RUSC2: variants seen among roughly 807,000 people sequenced by gnomAD.
RUSC2 encodes the protein RUN and SH3 domain containing 2.
RUSC2 carries 34 observed loss-of-function variants against 122.2 expected under a neutral mutation model. The ratio of observed to expected loss-of-function variants is 0.28; its 90% CI spans 0.21 to 0.37. RUSC2 has a LOEUF of 0.37. RUSC2 is among the 10% of genes least tolerant of loss of function. The pLI, the probability that RUSC2 is intolerant of heterozygous loss-of-function variation, is 1.00. For missense variants in RUSC2, 1,747 were observed against 1,952.4 expected (o/e 0.89, Z 1.98); for synonymous variants, 784 against 790.0 (o/e 0.99, Z 0.13).
chr9:35,540,231 T>C (rs529624531), intron 1 of RUSC2, among the ~76,000 whole-genome samples: 68 of 152,050 alleles, frequency 4.5e-4, no homozygotes, highest in African/African-American at 1.6e-3. Context: ...TAGCCAGGCA[T>C]TGTGGTGTGC....
At chr9:35,493,049 T>C (rs1219765747) in intron 1 of RUSC2, among the ~76,000 whole-genome samples, 6 of 152,116 alleles carry the variant, frequency 3.9e-5, no homozygotes, top group Admixed American at 6.5e-5. Context: ...ATAGATAAAC[T>C]CATTTCACAG....
chr9:35,528,536 T>A (rs1821363399), intron 1 of RUSC2, among the ~76,000 whole-genome samples: 1 of 151,542 alleles, frequency 6.6e-6, no homozygotes, highest in Non-Finnish European at 1.5e-5. Flanking sequence ...AGATGGAGTT[T>A]CGCTCTGTCA....
At chr9:35,495,317 CTT>C (rs1820688541) in intron 1 of RUSC2, among the ~76,000 whole-genome samples, 1 of 134,354 alleles carries the variant, frequency 7.4e-6, no homozygotes, top group Non-Finnish European at 1.6e-5. Flanking sequence ...ATCTTTAGGT[CTT>C]TGATCCATTT....
chr9:35,533,179 G>A (rs1821455748), intron 1 of RUSC2, among the ~76,000 whole-genome samples: 1 of 151,512 alleles, frequency 6.6e-6, no homozygotes, highest in South Asian at 2.1e-4. Context: ...CCCAGGAGGC[G>A]GAGGTTGCAG....
intron 1 of RUSC2, among the ~76,000 whole-genome samples, chr9:35,545,457 G>A (rs1325671650): frequency 6.6e-6 from 1 of 152,166 alleles, no homozygotes; most frequent in Non-Finnish European, 1.5e-5. Flanking sequence ...GCTCAGGATG[G>A]GTTCTGTGTC....
intron 1 of RUSC2, among the ~76,000 whole-genome samples, chr9:35,498,439 T>G (rs1156483906): frequency 6.6e-6 from 1 of 152,070 alleles, no homozygotes; most frequent in Non-Finnish European, 1.5e-5. Flanking sequence ...CTTGGGTAGC[T>G]GAGGCAGGAG....
chr9:35,528,554 T>C (rs1821363769), intron 1 of RUSC2, among the ~76,000 whole-genome samples: 1 of 151,576 alleles, frequency 6.6e-6, no homozygotes, highest in South Asian at 2.1e-4. Context: ...TCACCCAGGC[T>C]GGAGTGCAGT....
rs763258720 is a variant in RUSC2 at position 35,560,017 on chromosome 9, C to T, written c.3389-12C>T. 80 of 1,575,292 alleles carry T rather than the reference C, an allele frequency of 5.1e-5. No individual in the cohort carries two copies. The highest frequency in any genetic ancestry group is 6.8e-5 in the Non-Finnish European group (78 of 1,155,258). ...TCTCTGTGTGGATCAGTCCCTCTCT[C>T]TTTTCCCCTAGACATCATCCAGACC... is the stretch of plus-strand genomic sequence containing the variant. On this transcript the variant is annotated splice_polypyrimidine_tract_variant and intron_variant, in intron 9 of 11. Coordinates refer to ENST00000361226, the MANE Select transcript of RUSC2 (RefSeq NM_014806.5).
At chr9:35,503,551 G>A (rs888807564) in intron 1 of RUSC2, among the ~76,000 whole-genome samples, 10 of 152,106 alleles carry the variant, frequency 6.6e-5, no homozygotes, top group African/African-American at 1.2e-4. Context: ...ATTGCCAATC[G>A]TGCTGCTATA....
Position 35,548,232 on chromosome 9 carries a change from C to T in RUSC2, c.1711C>T (p.Gln571Ter). Residue 571 changes from glutamine (Q) to a stop codon, truncating the protein, a stop_gained, in exon 2 of 12, where the codon CAG (glutamine) becomes TAG (stop). Coordinates refer to ENST00000361226, the MANE Select transcript of RUSC2 (RefSeq NM_014806.5). LOFTEE classifies it high-confidence loss of function. This position sits in a 1 kb window ranked among gnomAD's most constrained non-coding sequence, Gnocchi z 4.5. ...PLRVSVGDSS[Q>*]EFSPIQEAQQ... Reference sequence around the variant, plus strand: ...TCGTGTGAGTGTTGGGGACTCCTCCCAGGAGTTCTCACCCATCCAAGAAGC... The same window carrying T: ...TCGTGTGAGTGTTGGGGACTCCTCCTAGGAGTTCTCACCCATCCAAGAAGC... 6.2e-7 allele frequency: 1 copy of T among 1,613,618 alleles called. No homozygotes were observed.
chr9:35,547,982 CA>C lies in RUSC2; in HGVS notation c.1463del (p.Asn488ThrfsTer31). 1 of 1,614,144 alleles carries C rather than the reference CA, an allele frequency of 6.2e-7. No individual in the cohort carries two copies. The highest frequency in any genetic ancestry group is 8.5e-7 in the Non-Finnish European group (1 of 1,180,034). ...GQVYTNTSPPNLSTGRQRSRS... is the reference protein window; with the variant it reads ...GQVYTNTSPPXLSTGRQRSRS... ...AAGTATACACGAATACTTCACCCCC[CA>C]ACCTCAGCACTGGACGTCAGCGCTC... On this transcript the variant is annotated frameshift_variant, in exon 2 of 12. Transcript: ENST00000361226. LOFTEE classifies it high-confidence loss of function. This position sits in a 1 kb window ranked among gnomAD's most constrained non-coding sequence, Gnocchi z 4.6.
At chr9:35,492,746 T>C (rs1820592080) in intron 1 of RUSC2, among the ~76,000 whole-genome samples, 1 of 152,156 alleles carries the variant, frequency 6.6e-6, no homozygotes, top group Admixed American at 6.5e-5. Context: ...ATTCACATTA[T>C]TGTACAACCA....
intron 1 of RUSC2, chr9:35,538,708 T>G (rs1302037453): frequency 1.3e-5 from 2 of 152,392 alleles, no homozygotes; most frequent in East Asian, 3.9e-4. Flanking sequence ...GTCTTAAGAG[T>G]GCTCCATCTT....
intron 1 of RUSC2, among the ~76,000 whole-genome samples, chr9:35,526,608 G>T (rs2115983): frequency 0.67 from 101,753 of 151,984 alleles, 34,445 homozygotes; most frequent in Admixed American, 0.73. Flanking sequence ...ACTATTAAAT[G>T]TATTGCATTC....
In RUSC2 at chr9:35,548,380, A is replaced by G. The variant is rs1189794146; in HGVS notation, c.1859A>G (p.Gln620Arg). The G allele has an allele frequency of 6.2e-6, 10 of 1,613,948 alleles. No homozygotes were observed. Among genetic ancestry groups the G allele is most frequent in the Non-Finnish European group, 6.8e-6 (8 of 1,180,028 alleles). ...GPDPSPPWST[Q>R]VCQGPHSSEM... ...GACCCAAGTCCACCCTGGTCCACCC[A>G]GGTCTGTCAGGGACCCCACTCCAGT... Residue 620 changes from glutamine (Q) to arginine (R), a missense_variant, in exon 2 of 12, where the codon CAG becomes CGG. Coordinates refer to ENST00000361226, the MANE Select transcript of RUSC2 (RefSeq NM_014806.5). This position sits in a 1 kb window ranked among gnomAD's most constrained non-coding sequence, Gnocchi z 4.5.
chr9:35,541,455 T>A (rs1174740363), intron 1 of RUSC2, among the ~76,000 whole-genome samples: 1 of 151,840 alleles, frequency 6.6e-6, no homozygotes, highest in Non-Finnish European at 1.5e-5. Flanking sequence ...TACTCTCATT[T>A]TTTTTTTTTA....
At chr9:35,543,154 G>A (rs1821674782) in intron 1 of RUSC2, among the ~76,000 whole-genome samples, 1 of 152,194 alleles carries the variant, frequency 6.6e-6, no homozygotes, top group Non-Finnish European at 1.5e-5. Flanking sequence ...GGCCCGGCAT[G>A]GTGGCTCACA....
At chr9:35,524,936 A>C (rs1022931975) in intron 1 of RUSC2, among the ~76,000 whole-genome samples, 1 of 150,842 alleles carries the variant, frequency 6.6e-6, no homozygotes, top group Non-Finnish European at 1.5e-5. Flanking sequence ...GCACCACTGC[A>C]CTCCAGCCTG....
At chr9:35,527,298 C>CTGCTTGCT (rs371414353) in intron 1 of RUSC2, among the ~76,000 whole-genome samples, 61 of 151,964 alleles carry the variant, frequency 4.0e-4, no homozygotes, top group Middle Eastern at 3.4e-3. Context: ...CCACCACATT[C>CTGCTTGCT]TGCTTGCTTG....
Sources: gnomAD v4.1 joint callset for allele counts (sites outside exome capture counted in the v4.1 genomes callset) on GRCh38, gnomAD v4.1.1 for gene constraint, Gnocchi (gnomAD v3.1) non-coding constraint, MANE v1.5 for transcripts, NCBI Gene and HGNC (gene_info 2026-07-23, HGNC 2026-07-21) for gene names.